The following SAE1 variants were observed in gnomAD, a reference collection of about 807,000 sequenced individuals.
SAE1 encodes SUMO1 activating enzyme subunit 1, also known as SUMO-activating enzyme subunit 1.
Under a neutral mutation model 40.6 loss-of-function variants are expected in SAE1, and 11 were observed. The observed-to-expected ratio is 0.27, with a 90% CI of 0.17 to 0.45. The LOEUF (loss-of-function observed/expected upper bound fraction) is 0.45. SAE1 is among the 20% of genes least tolerant of loss of function. The pLI is 1.00. For missense variants in SAE1, 373 were observed against 427.3 expected, an observed-to-expected ratio of 0.87 and a Z score of 1.12; for synonymous variants, 155 against 154.3, an observed-to-expected ratio of 1.00 and a Z score of -0.03.
At chr19:47,147,852 G>A (rs754131483) in intron 2 of SAE1, among the ~76,000 whole-genome samples, 4 of 150,958 alleles carry the variant, frequency 2.6e-5, no homozygotes, top group African/African-American at 4.9e-5. Flanking sequence ...TCTGCCTCCC[G>A]GGTTCACACC....
At chr19:47,188,473 C>A (rs1417839866) in intron 6 of SAE1, among the ~76,000 whole-genome samples, 3 of 152,166 alleles carry the variant, frequency 2.0e-5, no homozygotes, top group Admixed American at 6.5e-5. Flanking sequence ...GAGCCCACAG[C>A]TGAATTAATG....
chr19:47,179,920 G>A (rs995538853), intron 6 of SAE1, among the ~76,000 whole-genome samples: 3 of 152,086 alleles, frequency 2.0e-5, no homozygotes, highest in African/African-American at 7.2e-5. Flanking sequence ...GTTCTTCTAA[G>A]ATTGAGCAGA....
chr19:47,207,047 G>T (rs2058690202), intron 8 of SAE1, among the ~76,000 whole-genome samples: 2 of 152,122 alleles, frequency 1.3e-5, no homozygotes, highest in African/African-American at 4.8e-5. Flanking sequence ...TGTAATTCCA[G>T]CACTTTGGGA....
At chr19:47,172,563 A>G (rs142321047) in intron 6 of SAE1, among the ~76,000 whole-genome samples, 1 of 151,954 alleles carries the variant, frequency 6.6e-6, no homozygotes, top group Non-Finnish European at 1.5e-5. Flanking sequence ...AATTAGCCGG[A>G]TGAGGTGGTG....
chr19:47,173,092 G>A (rs866255517), intron 6 of SAE1, among the ~76,000 whole-genome samples: 52 of 152,018 alleles, frequency 3.4e-4, no homozygotes, highest in African/African-American at 1.1e-3. Flanking sequence ...GCAGTGGGGC[G>A]ATCTTGGCTC....
At chr19:47,204,698 A>G (rs1324054051) in intron 8 of SAE1, among the ~76,000 whole-genome samples, 1 of 148,772 alleles carries the variant, frequency 6.7e-6, no homozygotes, top group Admixed American at 6.7e-5. Context: ...GTAGTTCACC[A>G]TATTGGCCAG....
At chr19:47,199,535 G>T (rs931008870) in intron 7 of SAE1, among the ~76,000 whole-genome samples, 1 of 152,090 alleles carries the variant, frequency 6.6e-6, no homozygotes, top group African/African-American at 2.4e-5. Context: ...AGCTCGTTAG[G>T]CTGTGGCTTT....
At chr19:47,136,549 A>G (rs2058181736) in intron 1 of SAE1, among the ~76,000 whole-genome samples, 1 of 135,114 alleles carries the variant, frequency 7.4e-6, no homozygotes, top group Non-Finnish European at 1.5e-5. Context: ...AGACTGGAGT[A>G]TGGTGGCGTG....
chr19:47,182,507 A>ACG (rs1308937901), intron 6 of SAE1, among the ~76,000 whole-genome samples: 14 of 137,590 alleles, frequency 1.0e-4, no homozygotes, highest in Admixed American at 1.0e-3. Context: ...GCGCGCACGC[A>ACG]CGCGCGCGCG....
At chr19:47,173,232 C>T (rs1338191358) in intron 6 of SAE1, among the ~76,000 whole-genome samples, 9 of 152,098 alleles carry the variant, frequency 5.9e-5, no homozygotes, top group South Asian at 2.1e-4. Flanking sequence ...CTCTTGACCT[C>T]GTGAACCGCC....
intron 5 of SAE1, among the ~76,000 whole-genome samples, chr19:47,169,594 T>C (rs2058417963): frequency 1.3e-5 from 2 of 152,190 alleles, no homozygotes; most frequent in Admixed American, 1.3e-4. Context: ...GAAGCTTGGC[T>C]CTGTCTTCCT....
At position 47,155,457 on chromosome 19, in the gene SAE1, A is replaced by C. The variant is rs556898103; in HGVS notation, c.627+244A>C. On this transcript the variant is annotated intron_variant, in intron 5 of 8. Coordinates refer to ENST00000270225, the MANE Select transcript of SAE1 (RefSeq NM_005500.3). Reference sequence around the variant, plus strand: ...TGCAAACTTTTGTAGGCTCTGTCCCAAACTTTTTTTTTTGTGTGTGTGAGA... The same window carrying C: ...TGCAAACTTTTGTAGGCTCTGTCCCCAACTTTTTTTTTTGTGTGTGTGAGA... Among the ~76,000 whole-genome samples the C allele has an allele frequency of 5.3e-5, 8 of 151,790 alleles. No homozygotes were observed. In the East Asian group the frequency reaches 1.5e-3, roughly 29 times the overall value.
intron 6 of SAE1, among the ~76,000 whole-genome samples, chr19:47,170,523 T>C (rs1299202436): frequency 1.3e-5 from 2 of 149,596 alleles, no homozygotes; most frequent in African/African-American, 4.9e-5. Context: ...TTTTTTTTTT[T>C]TGAGACAGAG....
chr19:47,151,933 ACT>A (rs1448977822), intron 3 of SAE1, among the ~76,000 whole-genome samples: 1 of 151,928 alleles, frequency 6.6e-6, no homozygotes, highest in Non-Finnish European at 1.5e-5. Context: ...GTTACTTTAG[ACT>A]CTGCAGGGTT....
At chr19:47,153,318 C>T (rs564410473) in intron 4 of SAE1, among the ~76,000 whole-genome samples, 1 of 152,172 alleles carries the variant, frequency 6.6e-6, no homozygotes, top group South Asian at 2.1e-4. Context: ...CATATTCAAC[C>T]AAAGTCTACC....
chr19:47,147,714 A>G (rs893037373), intron 2 of SAE1, among the ~76,000 whole-genome samples: 1 of 149,966 alleles, frequency 6.7e-6, no homozygotes, highest in Non-Finnish European at 1.5e-5. Flanking sequence ...CAGCCTCCCA[A>G]GCTGCTGGGT....
intron 5 of SAE1, among the ~76,000 whole-genome samples, chr19:47,160,246 G>C (rs2058351011): frequency 9.4e-6 from 1 of 106,740 alleles, no homozygotes; most frequent in South Asian, 3.1e-4. Flanking sequence ...TTTTGAGACA[G>C]AGTCTCACTC....
rs138998654 is a variant in SAE1, at chr19:47,133,438, G to A, written c.98+2410G>A. The stretch of plus-strand genomic sequence containing the variant: ...GACGGGGTTTCACCATGTTAGACAG[G>A]ATAGTCTCGATCTCCTGACCTCGTG... On this transcript the variant is annotated intron_variant, in intron 1 of 8. Transcript: ENST00000270225. Among the ~76,000 whole-genome samples the A allele has an allele frequency of 9.9e-3, 1,510 of 152,318 alleles. 12 individuals are homozygous for A. Among genetic ancestry groups the A allele is most frequent in the Non-Finnish European group, 0.016 (1,111 of 68,028 alleles).
chr19:47,207,091 T>G (rs1381817568), intron 8 of SAE1, among the ~76,000 whole-genome samples: 3 of 152,158 alleles, frequency 2.0e-5, no homozygotes, highest in Non-Finnish European at 4.4e-5. Flanking sequence ...AAGACTAGCT[T>G]GGGCAACATG....
Sources: gnomAD v4.1 joint callset for allele counts (sites outside exome capture counted in the v4.1 genomes callset) on GRCh38, gnomAD v4.1.1 for gene constraint, MANE v1.5 for transcripts, NCBI Gene and HGNC (gene_info 2026-07-23, HGNC 2026-07-21) for gene names.